Variants in EDA observed in about 807,000 individuals in gnomAD.
The protein encoded by EDA is ectodysplasin A, also known as ectodysplasin-A.
Under a neutral mutation model 23.6 loss-of-function variants are expected in EDA, and 2 were observed. The observed-to-expected ratio is 0.08, with a 90% confidence interval of 0.03 to 0.27. The LOEUF is 0.27. Ranked by LOEUF, EDA falls within the 10% of genes least tolerant of loss-of-function variation. The pLI is 1.00. For synonymous variants in EDA, 131 were observed against 132.0 expected (o/e 0.99, Z 0.05); for missense variants, 229 against 324.2 (o/e 0.71, Z 2.26).
At chrX:69,857,782 C>A (rs1193214282) in intron 1 of EDA, among the ~76,000 whole-genome samples, 38 of 89,710 alleles carry the variant, frequency 4.2e-4, no homozygotes, top group East Asian at 1.1e-3. Context: ...CGATGAAGGT[C>A]TTGTTATGGG....
intron 1 of EDA, among the ~76,000 whole-genome samples, chrX:69,667,026 A>G (rs1431275654): frequency 3.7e-5 from 4 of 107,649 alleles, no homozygotes; most frequent in African/African-American, 1.0e-4. Context: ...GGTAGGTTGT[A>G]TTTTTCTAGG....
At position 69,957,079 on chromosome X, in the gene EDA, A is replaced by G. The variant is rs764642744; in HGVS notation, c.449A>G (p.Glu150Gly). ...GATGAAAAGCCATACTCTGAAGAAG[A>G]AAGTAGGCGTGTTCGCCGCAATAAA... ...FPDEKPYSEE[E>G]SRRVRRNKRS... is the part of the protein sequence containing the mutation. The change falls in exon 2 of 8, where the codon GAA (glutamate) becomes GGA (glycine). Residue 150 changes from glutamate (E) to glycine (G), a missense_variant. Around this residue, in one of 2 missense-constraint regions of EDA, gnomAD observed 175 missense variants for 281.8 expected, o/e 0.62. Coordinates refer to ENST00000374552, the MANE Select transcript of EDA (RefSeq NM_001399.5). The G allele has an allele frequency of 3.3e-6, 4 of 1,212,083 alleles. No individual in the cohort carries two copies. The East Asian group carries it at 1.2e-4, about 36-fold the overall frequency.
chrX:69,996,053 TCCA>T (rs2019652018), intron 2 of EDA, among the ~76,000 whole-genome samples: 1 of 112,076 alleles, frequency 8.9e-6, no homozygotes, highest in Admixed American at 9.5e-5. Flanking sequence ...ACCCAGATGC[TCCA>T]GCAAATTAGG....
chrX:69,936,753 A>G (rs2018679241), intron 1 of EDA, among the ~76,000 whole-genome samples: 2 of 112,090 alleles, frequency 1.8e-5, no homozygotes, highest in Non-Finnish European at 3.8e-5. Flanking sequence ...AGGGAGAGAC[A>G]TGAAACAGAG....
At chrX:70,016,710 G>A (rs990578566) in intron 2 of EDA, among the ~76,000 whole-genome samples, 4 of 111,209 alleles carry the variant, frequency 3.6e-5, no homozygotes, top group East Asian at 5.6e-4. Flanking sequence ...AGAATCTCTC[G>A]GGCACTGCTA....
chrX:69,679,582 T>C (rs1394313435), intron 1 of EDA, among the ~76,000 whole-genome samples: 1 of 112,102 alleles, frequency 8.9e-6, no homozygotes, highest in East Asian at 2.8e-4. Flanking sequence ...TATCCATTTC[T>C]TCTAGATTTT....
chrX:69,751,092 C>G (rs79755400), intron 1 of EDA, among the ~76,000 whole-genome samples: 30,897 of 107,398 alleles, frequency 0.29, 4,770 homozygotes, highest in Middle Eastern at 0.55. Flanking sequence ...GACATGAAGT[C>G]CTTGCCCATG....
At chrX:69,860,001 T>TA (rs200642105) in intron 1 of EDA, among the ~76,000 whole-genome samples, 1 of 107,479 alleles carries the variant, frequency 9.3e-6, no homozygotes, top group African/African-American at 3.3e-5. Context: ...TTTTTTTTTT[T>TA]ATCTTTGCTG....
intron 1 of EDA, among the ~76,000 whole-genome samples, chrX:69,626,919 G>A (rs1932405217): frequency 9.0e-6 from 1 of 111,051 alleles, no homozygotes; most frequent in South Asian, 3.8e-4. Flanking sequence ...ATGTGTAAGG[G>A]GCGTTGGTTG....
chrX:69,703,033 G>T (rs2011579848), intron 1 of EDA, among the ~76,000 whole-genome samples: 1 of 110,115 alleles, frequency 9.1e-6, no homozygotes, highest in African/African-American at 3.3e-5. Context: ...CGGAGGGTAG[G>T]CTCAGGAGAA....
Position 69,700,431 on chromosome X carries a change from C to T in EDA, c.396+83727C>T, listed in dbSNP as rs750325988. On this transcript the variant is annotated intron_variant, in intron 1 of 7. Transcript: ENST00000374552. Reference sequence around the variant, plus strand: ...AAATGGGTGGTATTGGAGGGAATTGCGGAAAGTGAAGTATATGGGTTAGGA... The same window carrying T: ...AAATGGGTGGTATTGGAGGGAATTGTGGAAAGTGAAGTATATGGGTTAGGA... 4.5e-5 allele frequency among the ~76,000 whole-genome samples: 5 copies of T among 111,440 alleles called. No individual in the cohort carries two copies. In the South Asian group the frequency reaches 1.1e-3, roughly 25 times the overall value.
intron 1 of EDA, among the ~76,000 whole-genome samples, chrX:69,676,384 G>A (rs1398238989): frequency 9.0e-6 from 1 of 111,087 alleles, no homozygotes; most frequent in East Asian, 2.9e-4. Flanking sequence ...AAGATTGTTG[G>A]ATTCTGAATT....
chrX:69,979,031 A>G (rs1389587993), intron 2 of EDA, among the ~76,000 whole-genome samples: 1 of 111,516 alleles, frequency 9.0e-6, no homozygotes, highest in Admixed American at 9.6e-5. Flanking sequence ...CCAAAAAGAA[A>G]CTCTGTGTCC....
chrX:69,981,523 T>C (rs760721299), intron 2 of EDA, among the ~76,000 whole-genome samples: 3 of 111,694 alleles, frequency 2.7e-5, no homozygotes, highest in Non-Finnish European at 5.6e-5. Flanking sequence ...CTTTGGCCCA[T>C]AAGCTGTAAC....
At chrX:69,810,919 G>A (rs763787092) in intron 1 of EDA, among the ~76,000 whole-genome samples, 86 of 111,693 alleles carry the variant, frequency 7.7e-4, no homozygotes, top group African/African-American at 2.8e-3. Context: ...AAAGGAGTAA[G>A]GGTAAAACAT....
intron 1 of EDA, among the ~76,000 whole-genome samples, chrX:69,933,670 C>T (rs1303981773): frequency 3.3e-5 from 1 of 30,139 alleles, no homozygotes; most frequent in Non-Finnish European, 8.3e-5. Context: ...GTGAGAGAGA[C>T]CATCTCAAAA....
intron 1 of EDA, among the ~76,000 whole-genome samples, chrX:69,700,010 G>C (rs969326799): frequency 9.0e-6 from 1 of 110,775 alleles, no homozygotes; most frequent in African/African-American, 3.3e-5. Context: ...ATATGCGGTC[G>C]GTTGTGAGCC....
chrX:69,826,825 C>T (rs1247540832), intron 1 of EDA, among the ~76,000 whole-genome samples: 24 of 110,139 alleles, frequency 2.2e-4, no homozygotes, highest in African/African-American at 6.6e-4. Context: ...CATGATTTTG[C>T]AGTGGCTGGA....
intron 2 of EDA, among the ~76,000 whole-genome samples, chrX:70,009,564 G>GGTTTTGTTTTGTTTT (rs61286017): frequency 9.3e-6 from 1 of 107,505 alleles, no homozygotes; most frequent in South Asian, 4.0e-4. Flanking sequence ...TGTTTGTTTG[G>GGTTTTGTTTTGTTTT]GTTTTGTTTT....
Sources: allele counts gnomAD v4.1 joint callset (sites outside exome capture counted in the v4.1 genomes callset), GRCh38; gene constraint gnomAD v4.1.1; regional missense constraint gnomAD v4.1.1; transcripts MANE v1.5; gene names NCBI Gene and HGNC (gene_info 2026-07-23, HGNC 2026-07-21).